Variants in SSBP2 observed in about 807,000 individuals in gnomAD.
SSBP2 encodes the protein single-stranded DNA-binding protein 2.
A neutral mutation model predicts 61.8 loss-of-function variants in SSBP2; 17 were observed. That is an observed-to-expected ratio of 0.28 (90% confidence interval 0.19 to 0.41). The LOEUF is 0.41. Ranked by LOEUF, SSBP2 falls within the 10% of genes least tolerant of loss-of-function variation. The pLI is 1.00. For synonymous variants in SSBP2, 139 were observed against 141.3 expected, an observed-to-expected ratio of 0.98 and a Z score of 0.12; for missense variants, 310 against 458.7, an observed-to-expected ratio of 0.68 and a Z score of 2.96.
intron 6 of SSBP2, among the ~76,000 whole-genome samples, chr5:81,488,059 A>ATATAT (rs1561459572): frequency 1.5e-5 from 1 of 65,328 alleles, no homozygotes; most frequent in Non-Finnish European, 2.8e-5. Context: ...ATATATATAT[A>ATATAT]AATAAAATAT....
At chr5:81,599,456 C>T (rs1245462727) in intron 4 of SSBP2, among the ~76,000 whole-genome samples, 3 of 152,162 alleles carry the variant, frequency 2.0e-5, no homozygotes, top group Non-Finnish European at 4.4e-5. Flanking sequence ...CTGGGAGGAG[C>T]CACAGAATTC....
At chr5:81,749,487 G>T (rs1757573176) in intron 1 of SSBP2, among the ~76,000 whole-genome samples, 1 of 152,138 alleles carries the variant, frequency 6.6e-6, no homozygotes, top group African/African-American at 2.4e-5. Flanking sequence ...TGCGCATTCG[G>T]TTTTTATTTA....
chr5:81,476,821 A>G (rs377147521), intron 6 of SSBP2, among the ~76,000 whole-genome samples: 121 of 152,280 alleles, frequency 7.9e-4, no homozygotes, highest in African/African-American at 2.9e-3. Context: ...CATTCTTTTT[A>G]TATTTATTAG....
At chr5:81,611,956 T>C (rs559916052) in intron 4 of SSBP2, among the ~76,000 whole-genome samples, 6 of 152,248 alleles carry the variant, frequency 3.9e-5, no homozygotes, top group African/African-American at 1.4e-4. Flanking sequence ...TACTGTATTG[T>C]GTACTTAAAA....
At chr5:81,440,681 AT>A in intron 13 of SSBP2, 45 bp from the exon 14 acceptor site, 1 of 1,371,936 alleles carries the variant, frequency 7.3e-7, no homozygotes. Flanking sequence ...ACTGAAAACA[AT>A]GGCTTATCTC....
chr5:81,636,491 CAG>C (rs1748244973), intron 3 of SSBP2, 64 bp downstream of exon 3: 7 of 1,149,438 alleles, frequency 6.1e-6, no homozygotes, highest in Admixed American at 2.5e-5. Context: ...AAATCATAAA[CAG>C]GTATAGTACA....
At chr5:81,540,012 G>C (rs554210750) in intron 4 of SSBP2, among the ~76,000 whole-genome samples, 113 of 152,180 alleles carry the variant, frequency 7.4e-4, no homozygotes, top group Non-Finnish European at 1.5e-3. Flanking sequence ...CTTTTCCTGT[G>C]TTAGTTTGCT....
chr5:81,651,665 G>T (rs1749740103), intron 1 of SSBP2, among the ~76,000 whole-genome samples: 1 of 152,078 alleles, frequency 6.6e-6, no homozygotes, highest in Non-Finnish European at 1.5e-5. Context: ...TATATAGCAG[G>T]CTCCTTTCAG....
chr5:81,524,556 G>T (rs1355134158), intron 4 of SSBP2, among the ~76,000 whole-genome samples: 3 of 151,998 alleles, frequency 2.0e-5, no homozygotes, highest in African/African-American at 4.8e-5. Context: ...TTTTCATGAG[G>T]TATCTAGAAA....
chr5:81,479,965 T>C (rs1765864453), intron 6 of SSBP2, among the ~76,000 whole-genome samples: 1 of 152,146 alleles, frequency 6.6e-6, no homozygotes, highest in Admixed American at 6.6e-5. Flanking sequence ...ACCAGCACCC[T>C]TCACCAGCCC....
chr5:81,750,807 C>T (rs947708096), intron 1 of SSBP2, 174 bp downstream of exon 1: 18 of 723,328 alleles, frequency 2.5e-5, no homozygotes, highest in Non-Finnish European at 4.0e-5. Flanking sequence ...CCGCACCTCC[C>T]GGGAAAGCGC....
chr5:81,517,837 A>C (rs947830670), intron 4 of SSBP2, among the ~76,000 whole-genome samples: 4 of 151,982 alleles, frequency 2.6e-5, no homozygotes, highest in Non-Finnish European at 4.4e-5. Context: ...TAAAAACTTG[A>C]AATAAAAGTT....
chr5:81,615,783 T>C (rs914839512), intron 3 of SSBP2, among the ~76,000 whole-genome samples: 1 of 152,236 alleles, frequency 6.6e-6, no homozygotes. Context: ...AAAAAAAATT[T>C]ATAGCAATAA....
intron 5 of SSBP2, among the ~76,000 whole-genome samples, chr5:81,500,307 G>A (rs1252327016): frequency 1.3e-5 from 2 of 151,940 alleles, no homozygotes; most frequent in Non-Finnish European, 2.9e-5. Flanking sequence ...TCCGCCTCCC[G>A]GGTTCAAGCG....
chr5:81,708,428 G>A (rs1451739648), intron 1 of SSBP2, among the ~76,000 whole-genome samples: 2 of 151,990 alleles, frequency 1.3e-5, no homozygotes, highest in African/African-American at 4.8e-5. Flanking sequence ...ATATAATATA[G>A]AAACACTTTA....
chr5:81,608,608 A>G (rs1745113489), intron 4 of SSBP2, among the ~76,000 whole-genome samples: 2 of 152,232 alleles, frequency 1.3e-5, no homozygotes, highest in African/African-American at 2.4e-5. Context: ...TAACTTCTCC[A>G]GGTACCAGAT....
At chr5:81,515,454 C>T (rs1055758214) in intron 4 of SSBP2, among the ~76,000 whole-genome samples, 1 of 151,894 alleles carries the variant, frequency 6.6e-6, no homozygotes, top group Non-Finnish European at 1.5e-5. Context: ...AGCATATGTA[C>T]AAAGTGACAA....
chr5:81,457,723 G>A (rs1392232356), intron 10 of SSBP2, among the ~76,000 whole-genome samples: 6 of 151,624 alleles, frequency 4.0e-5, no homozygotes, highest in East Asian at 3.9e-4. Flanking sequence ...GTGCAATGGC[G>A]CGATCTCGGC....
chr5:81,434,749 G>A (rs1158683324), intron 15 of SSBP2, among the ~76,000 whole-genome samples: 1 of 149,986 alleles, frequency 6.7e-6, no homozygotes, highest in Non-Finnish European at 1.5e-5. Flanking sequence ...GAATGATAAT[G>A]AAATGATTCC....
Sources: allele counts gnomAD v4.1 joint callset (sites outside exome capture counted in the v4.1 genomes callset), GRCh38; gene constraint gnomAD v4.1.1; transcripts MANE v1.5; gene names NCBI Gene and HGNC (gene_info 2026-07-23, HGNC 2026-07-21).